Variants in STPG4 observed in about 807,000 individuals in gnomAD.
The protein encoded by STPG4 is protein STPG4.
STPG4 carries 41 observed loss-of-function variants against 31.5 expected under a neutral mutation model. The ratio of observed to expected loss-of-function variants is 1.30; its 90% CI spans 1.01 to 1.69. STPG4 has a LOEUF of 1.69. STPG4 is among the 40% of genes most tolerant of loss of function. STPG4 has a pLI of 0.00. For synonymous variants in STPG4, 141 were observed against 103.0 expected, an observed-to-expected ratio of 1.37 and a Z score of -2.24; for missense variants, 375 against 293.4, an observed-to-expected ratio of 1.28 and a Z score of -2.03.
chr2:47,147,248 A>C lies in STPG4; in HGVS notation c.399+4010T>G, dbSNP rs116576619. On this transcript the variant is annotated intron_variant, in intron 3 of 6. Transcript: ENST00000445927. Reference sequence around the variant, plus strand: ...TGAAGAATTTAGCATGAGAGCAGTCATGCAGCTACATGGATGCAGGTATTA... The same window carrying C: ...TGAAGAATTTAGCATGAGAGCAGTCCTGCAGCTACATGGATGCAGGTATTA... Among the ~76,000 whole-genome samples, 500 of 152,340 alleles carry C rather than the reference A, an allele frequency of 3.3e-3. 6 individuals are homozygous for C. The highest frequency in any genetic ancestry group is 0.011 in the African/African-American group (467 of 41,582).
chr2:47,097,877 G>C (rs893649898), intron 5 of STPG4, among the ~76,000 whole-genome samples: 1 of 151,310 alleles, frequency 6.6e-6, no homozygotes, highest in South Asian at 2.1e-4. Flanking sequence ...CAGCACTTTT[G>C]GAGGCCCACG....
At chr2:47,128,039 G>C (rs1686399160) in intron 5 of STPG4, among the ~76,000 whole-genome samples, 1 of 152,184 alleles carries the variant, frequency 6.6e-6, no homozygotes, top group Non-Finnish European at 1.5e-5. Context: ...GGTCACCGTA[G>C]CTGTGTCTGC....
chr2:47,122,491 A>G (rs968312627), intron 5 of STPG4, among the ~76,000 whole-genome samples: 3 of 152,158 alleles, frequency 2.0e-5, no homozygotes, highest in Admixed American at 6.5e-5. Flanking sequence ...TATGAAATTT[A>G]TTTTAATGTG....
chr2:47,143,895 C>T (rs537171564), intron 3 of STPG4, among the ~76,000 whole-genome samples: 1 of 152,312 alleles, frequency 6.6e-6, no homozygotes, highest in Admixed American at 6.5e-5. Flanking sequence ...GTGATCAGCA[C>T]TTTCTGGAAA....
At chr2:47,120,157 C>T (rs541407061) in intron 5 of STPG4, among the ~76,000 whole-genome samples, 2 of 152,188 alleles carry the variant, frequency 1.3e-5, no homozygotes, top group South Asian at 2.1e-4. Context: ...ATGTTGAAAC[C>T]CCTTCTCTAC....
rs1686441950 is a variant in STPG4, at chr2:47,129,942, G to T, written c.518C>A (p.Pro173His). ...GTTAACTGTCTACATTATACTTACG[G>T]GAATAAAATAGGTTGTTGGGAATCT... Reference protein sequence around the residue: ...VQRFPTTYFIPHEGPGPGHYN... With the variant: ...VQRFPTTYFIHHEGPGPGHYN... The change falls in exon 5 of 7, where the codon CCC (proline) becomes CAC (histidine). Residue 173 changes from proline (P) to histidine (H), a missense_variant and splice_region_variant. Physicochemically the swap from Pro to His is moderately conservative, Grantham distance 77. Transcript: ENST00000445927. 1 of 1,611,074 alleles carries T rather than the reference G, an allele frequency of 6.2e-7. No individual in the cohort carries two copies. The highest frequency in any genetic ancestry group is 8.5e-7 in the Non-Finnish European group (1 of 1,178,176).
chr2:47,127,765 T>G (rs1385089911), intron 5 of STPG4, among the ~76,000 whole-genome samples: 1 of 152,230 alleles, frequency 6.6e-6, no homozygotes, highest in African/African-American at 2.4e-5. Context: ...TGTTGCACTT[T>G]GTCAAAACAG....
intron 5 of STPG4, among the ~76,000 whole-genome samples, chr2:47,094,522 C>A (rs1367827938): frequency 1.3e-5 from 2 of 152,194 alleles, no homozygotes; most frequent in African/African-American, 4.8e-5. Context: ...GATTATTACA[C>A]AGATGAATAA....
intron 6 of STPG4, among the ~76,000 whole-genome samples, chr2:47,087,573 T>C (rs1051841232): frequency 5.9e-5 from 9 of 152,182 alleles, no homozygotes; most frequent in Non-Finnish European, 1.3e-4. Flanking sequence ...AAAGCCCAAA[T>C]CGCCTCTCAA....
intron 3 of STPG4, among the ~76,000 whole-genome samples, chr2:47,148,201 C>A (rs1484100786): frequency 6.6e-6 from 1 of 152,084 alleles, no homozygotes; most frequent in Non-Finnish European, 1.5e-5. Flanking sequence ...CCTGCCTCGG[C>A]CTCCCAAAGT....
chr2:47,094,524 G>A (rs1330069781), intron 5 of STPG4, among the ~76,000 whole-genome samples: 1 of 152,180 alleles, frequency 6.6e-6, no homozygotes. Flanking sequence ...TTATTACACA[G>A]ATGAATAAAA....
At chr2:47,119,251 T>C (rs983798889) in intron 5 of STPG4, among the ~76,000 whole-genome samples, 1 of 152,218 alleles carries the variant, frequency 6.6e-6, no homozygotes, top group African/African-American at 2.4e-5. Flanking sequence ...TACTTTGCCT[T>C]GGAACATTTT....
At chr2:47,149,853 G>A (rs779813220) in intron 3 of STPG4, among the ~76,000 whole-genome samples, 5 of 152,148 alleles carry the variant, frequency 3.3e-5, no homozygotes, top group East Asian at 1.9e-4. Flanking sequence ...AACAGACCAC[G>A]TTCCTGCCAC....
At chr2:47,132,671 C>T (rs11125123) in intron 3 of STPG4, among the ~76,000 whole-genome samples, 85,810 of 151,998 alleles carry the variant, frequency 0.56, 25,438 homozygotes, top group East Asian at 0.74. Flanking sequence ...CTGGGCATTC[C>T]TGGGGGCCAG....
chr2:47,129,863 AC>A, intron 5 of STPG4, 77 bp downstream of exon 5: 1 of 1,575,444 alleles, frequency 6.3e-7, no homozygotes, highest in Non-Finnish European at 8.6e-7. Context: ...CTATGTGGCC[AC>A]CTTGCTCCAC....
At chr2:47,150,242 G>A (rs1686909231) in intron 3 of STPG4, among the ~76,000 whole-genome samples, 1 of 152,202 alleles carries the variant, frequency 6.6e-6, no homozygotes, top group Non-Finnish European at 1.5e-5. Context: ...AAGCCACGGA[G>A]CTTTCCAGCC....
chr2:47,112,969 G>A (rs1302413526), intron 5 of STPG4, among the ~76,000 whole-genome samples: 1 of 134,326 alleles, frequency 7.4e-6, no homozygotes, highest in Admixed American at 8.3e-5. Flanking sequence ...TCCAGCCTGG[G>A]CGACAGAGCA....
chr2:47,144,715 A>C (rs553175611), intron 3 of STPG4, among the ~76,000 whole-genome samples: 11 of 152,204 alleles, frequency 7.2e-5, no homozygotes, highest in African/African-American at 2.6e-4. Flanking sequence ...TTAAAAAAAA[A>C]CAAACAAAAG....
intron 3 of STPG4, among the ~76,000 whole-genome samples, chr2:47,141,339 A>AAG (rs1686699925): frequency 6.6e-6 from 1 of 150,870 alleles, no homozygotes. Context: ...AAAAAAAAAA[A>AAG]AAGAAGAAAG....
Sources: allele counts gnomAD v4.1 joint callset (sites outside exome capture counted in the v4.1 genomes callset), GRCh38; gene constraint gnomAD v4.1.1; transcripts MANE v1.5; gene names NCBI Gene and HGNC (gene_info 2026-07-23, HGNC 2026-07-21).